KCND2: variants seen among roughly 807,000 people sequenced by gnomAD.
KCND2 encodes the protein A-type voltage-gated potassium channel KCND2.
A neutral mutation model predicts 54.4 loss-of-function variants in KCND2; 16 were observed. The ratio of observed to expected loss-of-function variants is 0.29; its 90% confidence interval spans 0.20 to 0.45. The LOEUF is 0.45. KCND2 is among the 20% of genes least tolerant of loss of function. KCND2 has a pLI of 1.00. For missense variants in KCND2, 486 were observed against 824.2 expected (o/e 0.59, Z 5.02); for synonymous variants, 317 against 310.7 (o/e 1.02, Z -0.21).
At chr7:120,708,490 A>G (rs1168609570) in intron 1 of KCND2, among the ~76,000 whole-genome samples, 4 of 152,158 alleles carry the variant, frequency 2.6e-5, no homozygotes, top group Admixed American at 2.6e-4. Flanking sequence ...GTAAAACTAA[A>G]TATCATCTTA....
chr7:120,526,174 G>A (rs1030207017), intron 1 of KCND2, among the ~76,000 whole-genome samples: 2 of 152,092 alleles, frequency 1.3e-5, no homozygotes, highest in African/African-American at 4.8e-5. Flanking sequence ...GAATTTTCAT[G>A]TACAATTCAC....
chr7:120,373,154 A>T (rs1156982673), intron 1 of KCND2, among the ~76,000 whole-genome samples: 3 of 151,856 alleles, frequency 2.0e-5, no homozygotes, highest in Non-Finnish European at 4.4e-5. Flanking sequence ...TTTAATTTTT[A>T]TAGGGATTAT....
rs113765556 is a variant in KCND2 at position 120,532,181 on chromosome 7, C to T, written c.1116-200722C>T. On this transcript the variant is annotated intron_variant, in intron 1 of 5. Transcript: ENST00000331113. ...TGTAGTTTTCTCTATAATTTAAATA[C>T]ATCATTTCTTTTAAATTAAAAAATA... 9.2e-5 allele frequency among the ~76,000 whole-genome samples: 14 copies of T among 152,110 alleles called. No individual in the cohort carries two copies. The East Asian group carries it at 2.5e-3, about 27-fold the overall frequency.
chr7:120,463,828 G>A (rs926704934), intron 1 of KCND2, among the ~76,000 whole-genome samples: 5 of 151,926 alleles, frequency 3.3e-5, no homozygotes, highest in Admixed American at 6.6e-5. Flanking sequence ...GGAAATCTTT[G>A]AATATAGAAA....
intron 1 of KCND2, among the ~76,000 whole-genome samples, chr7:120,403,690 T>C (rs1296004926): frequency 6.6e-6 from 1 of 151,986 alleles, no homozygotes; most frequent in African/African-American, 2.4e-5. Flanking sequence ...ATTTTTAATT[T>C]AATTAAAACA....
At chr7:120,427,388 G>A (rs778659330) in intron 1 of KCND2, among the ~76,000 whole-genome samples, 4 of 151,998 alleles carry the variant, frequency 2.6e-5, no homozygotes, top group East Asian at 1.9e-4. Flanking sequence ...TCATTCAGCC[G>A]GTCAGTCAAC....
intron 1 of KCND2, among the ~76,000 whole-genome samples, chr7:120,329,616 G>A (rs532419851): frequency 7.2e-5 from 11 of 152,014 alleles, no homozygotes; most frequent in African/African-American, 1.2e-4. Flanking sequence ...TCTTTTTCTG[G>A]TCATTTTGTC....
At chr7:120,459,858 C>A (rs1055923666) in intron 1 of KCND2, among the ~76,000 whole-genome samples, 6 of 152,130 alleles carry the variant, frequency 3.9e-5, no homozygotes, top group Non-Finnish European at 8.8e-5. Flanking sequence ...GTCCAGGAAT[C>A]CTTCTTCTTC....
At chr7:120,727,118 T>G (rs1452935076) in intron 1 of KCND2, among the ~76,000 whole-genome samples, 3 of 152,124 alleles carry the variant, frequency 2.0e-5, no homozygotes, top group Non-Finnish European at 4.4e-5. Context: ...TGAACATACA[T>G]TTATACCCAT....
chr7:120,378,901 A>G (rs1800873852), intron 1 of KCND2, among the ~76,000 whole-genome samples: 1 of 152,030 alleles, frequency 6.6e-6, no homozygotes, highest in African/African-American at 2.4e-5. Context: ...CAAATGGCTC[A>G]TGTCTTCTAC....
chr7:120,284,906 C>T lies in KCND2; in HGVS notation c.1115+9159C>T, dbSNP rs187289436. On this transcript the variant is annotated intron_variant, in intron 1 of 5. Transcript: ENST00000331113. Reference sequence around the variant, plus strand: ...GCAGCATCACCAAGCAGTGTATGTGCAGGTCTAAAAGTTTCCCCATGTTAT... The same window carrying T: ...GCAGCATCACCAAGCAGTGTATGTGTAGGTCTAAAAGTTTCCCCATGTTAT... 1.4e-3 allele frequency among the ~76,000 whole-genome samples: 214 copies of T among 152,242 alleles called. 1 individual carries two copies. Among genetic ancestry groups the T allele is most frequent in the Non-Finnish European group, 2.1e-3 (146 of 68,006 alleles).
chr7:120,702,773 G>A (rs1287685099), intron 1 of KCND2, among the ~76,000 whole-genome samples: 1 of 152,054 alleles, frequency 6.6e-6, no homozygotes, highest in Non-Finnish European at 1.5e-5. Context: ...ACATACAGGG[G>A]ACCACTGAAA....
chr7:120,730,242 C>T (rs186531862), intron 1 of KCND2, among the ~76,000 whole-genome samples: 3 of 151,810 alleles, frequency 2.0e-5, no homozygotes, highest in Admixed American at 1.3e-4. Flanking sequence ...TGCGCGCGTG[C>T]GTGTGTGTGT....
At chr7:120,431,297 G>T (rs1227260390) in intron 1 of KCND2, among the ~76,000 whole-genome samples, 1 of 152,160 alleles carries the variant, frequency 6.6e-6, no homozygotes, top group Non-Finnish European at 1.5e-5. Flanking sequence ...ACACAGAAAT[G>T]AGCAAAACAA....
At chr7:120,506,005 G>A (rs1803010975) in intron 1 of KCND2, among the ~76,000 whole-genome samples, 1 of 151,242 alleles carries the variant, frequency 6.6e-6, no homozygotes, top group Admixed American at 6.6e-5. Flanking sequence ...AATTTTAAAA[G>A]TATTTATTGT....
chr7:120,571,531 C>T (rs755812737), intron 1 of KCND2, among the ~76,000 whole-genome samples: 2 of 152,182 alleles, frequency 1.3e-5, no homozygotes, highest in Admixed American at 1.3e-4. Flanking sequence ...CCTTTCCATG[C>T]TTCTCACGCT....
Position 120,590,166 on chromosome 7 carries a change from A to G in KCND2, c.1116-142737A>G, listed in dbSNP as rs566761205. On this transcript the variant is annotated intron_variant, in intron 1 of 5. Coordinates refer to ENST00000331113, the MANE Select transcript of KCND2 (RefSeq NM_012281.3). ...CTCGAGTGGCTGGGATTACAGGTGC[A>G]TGCCACCATGCCTGCCTAATTTTTG... 3.9e-5 allele frequency among the ~76,000 whole-genome samples: 6 copies of G among 152,148 alleles called. 1 individual carries two copies. In the South Asian group the frequency reaches 1.0e-3, roughly 26 times the overall value.
intron 1 of KCND2, among the ~76,000 whole-genome samples, chr7:120,313,095 G>T (rs535727345): frequency 6.6e-6 from 1 of 152,066 alleles, no homozygotes; most frequent in South Asian, 2.1e-4. Context: ...ACCCCATGGC[G>T]CCCATGGGGC....
At chr7:120,692,284 T>C (rs1426321982) in intron 1 of KCND2, among the ~76,000 whole-genome samples, 1 of 152,190 alleles carries the variant, frequency 6.6e-6, no homozygotes, top group Admixed American at 6.5e-5. Context: ...ACAAAGATCA[T>C]TATGGCTGAA....
Sources: gnomAD v4.1 joint callset for allele counts (sites outside exome capture counted in the v4.1 genomes callset) on GRCh38, gnomAD v4.1.1 for gene constraint, MANE v1.5 for transcripts, NCBI Gene and HGNC (gene_info 2026-07-23, HGNC 2026-07-21) for gene names.